The following SSPN variants were observed in gnomAD, a reference collection of about 807,000 sequenced individuals.
SSPN encodes the protein K-ras oncogene-associated protein.
SSPN carries 15 observed loss-of-function variants against 19.1 expected under a neutral mutation model. The observed-to-expected ratio is 0.78, with a 90% CI of 0.52 to 1.21. The LOEUF (loss-of-function observed/expected upper bound fraction) is 1.21, where lower values mean the gene tolerates loss of function less well. Ranked by LOEUF, SSPN falls within the 50% of genes most tolerant of loss-of-function variation. SSPN has a pLI of 0.00. For missense variants in SSPN, 291 were observed against 314.0 expected (o/e 0.93, Z 0.55); for synonymous variants, 147 against 140.3 (o/e 1.05, Z -0.34).
Position 26,195,641 on chromosome 12 carries a change from G to GCGGGGCCCCCC in SSPN, c.-31_-30insGGGGCCCCCCC. The GCGGGGCCCCCC allele has an allele frequency of 4.5e-6, 5 of 1,105,402 alleles. No homozygotes were observed. The highest frequency in any genetic ancestry group is 5.7e-6 in the Non-Finnish European group (5 of 878,120). The allele number at this position is 1,105,402 out of a possible 1,614,324, so 68.5% of individuals were successfully genotyped here. ...CTCCAGGGCCCAGGGCGCCGCACAC[G>GCGGGGCCCCCC]CACCCACCCACCCACCCAGCCTCGC... On this transcript the variant is annotated 5_prime_UTR_variant, in exon 1 of 3. Transcript: ENST00000242729.
chr12:26,183,368 C>G (rs1944732130), intron 1 of SSPN, among the ~76,000 whole-genome samples: 1 of 152,198 alleles, frequency 6.6e-6, no homozygotes, highest in African/African-American at 2.4e-5. Flanking sequence ...CCCTCCTCAG[C>G]CTCTCAAAGT....
intron 1 of SSPN, among the ~76,000 whole-genome samples, chr12:26,198,637 C>A (rs1591875406): frequency 6.6e-6 from 1 of 152,176 alleles, no homozygotes; most frequent in African/African-American, 2.4e-5. Flanking sequence ...ATTTTTGACT[C>A]GCTACATTTC....
intron 1 of SSPN, chr12:26,126,172 G>T (rs905823405): frequency 6.6e-6 from 1 of 152,226 alleles, no homozygotes; most frequent in East Asian, 1.9e-4. Context: ...CAAGAGCCGG[G>T]TTACCTTTCC....
rs1008727296 is a variant in SSPN at position 26,124,262 on chromosome 12, G to GC, written c.-31+2117dup. 2.0e-3 allele frequency: 1,182 copies of GC among 577,624 alleles called. 5 individuals carry two copies. In the African/African-American group the frequency reaches 0.023, roughly 11 times the overall value. The allele number at this position is 577,624 out of a possible 1,614,324, so 35.8% of individuals were successfully genotyped here. A position where few individuals can be genotyped will look rare whatever the true frequency, so the allele number is the denominator to read the frequency against. On this transcript the variant is annotated intron_variant, in intron 1 of 2. Coordinates refer to the SSPN transcript ENST00000538142. ...GATATTACCCTCGTCTGCCCCCCCCGCCCCCCCACCATAAAACATACTATG... is the reference window on the plus strand; with the variant it reads ...GATATTACCCTCGTCTGCCCCCCCCGCCCCCCCCACCATAAAACATACTATG...
chr12:26,187,673 G>A (rs1456573637), intron 1 of SSPN, among the ~76,000 whole-genome samples: 2 of 152,098 alleles, frequency 1.3e-5, no homozygotes, highest in African/African-American at 4.8e-5. Flanking sequence ...GAGGGGAATG[G>A]GCTAAAACAA....
chr12:26,195,421 T>C, upstream of SSPN: 1 of 563,638 alleles, frequency 1.8e-6, no homozygotes. Context: ...GCGGGCGACC[T>C]GCAAATCCTG....
intron 1 of SSPN, among the ~76,000 whole-genome samples, chr12:26,183,270 C>T (rs768119847): frequency 1.6e-4 from 24 of 152,092 alleles, no homozygotes; most frequent in Admixed American, 2.0e-4. Context: ...TATATCATAC[C>T]TACCTTTTCT....
intron 1 of SSPN, among the ~76,000 whole-genome samples, chr12:26,160,511 T>C (rs1944581274): frequency 6.6e-6 from 1 of 152,224 alleles, no homozygotes; most frequent in Non-Finnish European, 1.5e-5. Flanking sequence ...TATCTTTACA[T>C]CAAATGCTGT....
At chr12:26,187,506 G>A (rs1944761303) in intron 1 of SSPN, among the ~76,000 whole-genome samples, 2 of 152,238 alleles carry the variant, frequency 1.3e-5, no homozygotes. Context: ...GGGAAATCCA[G>A]TGTGAATTTC....
chr12:26,199,083 G>T (rs191273470), intron 1 of SSPN, among the ~76,000 whole-genome samples: 291 of 152,150 alleles, frequency 1.9e-3, no homozygotes, highest in Non-Finnish European at 3.0e-3. Flanking sequence ...ATTTTACAGG[G>T]GCCACTATCC....
chr12:26,219,149 C>A (rs923039181), intron 1 of SSPN, among the ~76,000 whole-genome samples: 1 of 151,940 alleles, frequency 6.6e-6, no homozygotes, highest in African/African-American at 2.4e-5. Context: ...CCCAGACAAC[C>A]CTGTCAAGCA....
chr12:26,231,583 T>C lies in SSPN; in HGVS notation c.*507T>C, dbSNP rs1381879589. ...CTCTTTATTTTCCCTGGTAGAGACA[T>C]CTTCAAGGCATGAAATAGCTTAAAG... is the stretch of plus-strand genomic sequence containing the variant. On this transcript the variant is annotated 3_prime_UTR_variant, in exon 3 of 3. Transcript: ENST00000242729. 1 of 153,336 alleles carries C rather than the reference T, an allele frequency of 6.5e-6. No homozygotes were observed. Among genetic ancestry groups the C allele is most frequent in the Non-Finnish European group, 1.4e-5 (1 of 68,974 alleles). 9.5% of individuals were successfully genotyped at this position (153,336 alleles called of 1,614,324 possible).
rs553940719 is a variant in SSPN at position 26,197,758 on chromosome 12, G to A, written c.279+1807G>A. 2.0e-5 allele frequency among the ~76,000 whole-genome samples: 3 copies of A among 152,292 alleles called. No homozygotes were observed. In the East Asian group the frequency reaches 5.8e-4, roughly 29 times the overall value. The stretch of plus-strand genomic sequence containing the variant: ...GGGCATTATATACAGCCAGGTCTCT[G>A]CTCTTTCTGGTTTTCTTTTTTATCA... On this transcript the variant is annotated intron_variant, in intron 1 of 2. Coordinates refer to ENST00000242729, the MANE Select transcript of SSPN (RefSeq NM_005086.5).
intron 1 of SSPN, chr12:26,122,490 G>A: frequency 2.3e-6 from 3 of 1,324,448 alleles, no homozygotes; most frequent in African/African-American, 1.5e-5. Flanking sequence ...GGCCGCGGCG[G>A]CCGCGGGCTG....
At chr12:26,153,201 T>C (rs771841466) in intron 1 of SSPN, among the ~76,000 whole-genome samples, 2 of 152,210 alleles carry the variant, frequency 1.3e-5, no homozygotes, top group African/African-American at 4.8e-5. Context: ...ATTTGTTAAA[T>C]GGAAGTGCTG....
At chr12:26,203,506 T>C (rs1944904465) in intron 1 of SSPN, among the ~76,000 whole-genome samples, 1 of 152,204 alleles carries the variant, frequency 6.6e-6, no homozygotes, top group African/African-American at 2.4e-5. Flanking sequence ...ACCTATTCCA[T>C]AGGCACACCC....
intron 1 of SSPN, among the ~76,000 whole-genome samples, chr12:26,148,647 A>G (rs1216240526): frequency 3.3e-5 from 5 of 152,208 alleles, no homozygotes; most frequent in African/African-American, 9.6e-5. Flanking sequence ...TTCTAAAACT[A>G]TGTCTATATC....
At chr12:26,122,220 G>GTCGC (rs1484134210) in intron 1 of SSPN, 5 of 1,309,752 alleles carry the variant, frequency 3.8e-6, no homozygotes, top group Non-Finnish European at 4.8e-6. Flanking sequence ...CGGCAGGAGG[G>GTCGC]TCGCGGCGGC....
At chr12:26,228,978 T>C (rs1381766202) in intron 2 of SSPN, among the ~76,000 whole-genome samples, 1 of 152,122 alleles carries the variant, frequency 6.6e-6, no homozygotes, top group Non-Finnish European at 1.5e-5. Flanking sequence ...AGACTCCATC[T>C]CTTAAAAAAA....
Sources: gnomAD v4.1 joint callset for allele counts (sites outside exome capture counted in the v4.1 genomes callset) on GRCh38, gnomAD v4.1.1 for gene constraint, MANE v1.5 for transcripts, NCBI Gene and HGNC (gene_info 2026-07-23, HGNC 2026-07-21) for gene names.